INAVA: variants seen among roughly 807,000 people sequenced by gnomAD.
INAVA encodes the protein innate immunity activator protein.
In INAVA, 32 loss-of-function variants were observed where a neutral mutation model predicts 55.3. That is an observed-to-expected ratio of 0.58 (90% confidence interval 0.44 to 0.78). INAVA has a LOEUF of 0.78. Ranked by LOEUF, INAVA falls within the 30% of genes least tolerant of loss-of-function variation. The pLI is 0.00. For synonymous variants in INAVA, 294 were observed against 329.4 expected (o/e 0.89, Z 1.16); for missense variants, 756 against 786.4 (o/e 0.96, Z 0.46).
upstream of INAVA, among the ~76,000 whole-genome samples, chr1:200,893,658 A>AG (rs1269733566): frequency 6.6e-6 from 1 of 152,056 alleles, no homozygotes; most frequent in Non-Finnish European, 1.5e-5. Context: ...GCAGAAAATG[A>AG]GGTGGTCAGC....
At chr1:200,891,547 C>T (rs1453273643), upstream of INAVA, 1 of 1,602,048 alleles carries the variant, frequency 6.2e-7, no homozygotes, top group Non-Finnish European at 8.5e-7. Flanking sequence ...TGGGATGCTG[C>T]AAATGCCGAA....
rs199499268 is a variant in INAVA, at chr1:200,911,868, C to G, written c.1375C>G (p.Pro459Ala). The change falls in exon 9 of 10, where the codon CCT becomes GCT. Residue 459 changes from proline (P) to alanine (A), a missense_variant. This residue lies in a region of INAVA where 639 missense variants were observed against 624.3 expected (regional missense o/e 1.02). Transcript: ENST00000413687. Reference sequence around the variant, plus strand: ...GGAGCTGCGCCGCGCAGCCCCGGGCCCTGCTTACGAGGAGGAGGGCACTCC... The same window carrying G: ...GGAGCTGCGCCGCGCAGCCCCGGGCGCTGCTTACGAGGAGGAGGGCACTCC... ...EWELRRAAPG[P>A]AYEEEGTPLR... 218 of 1,591,702 alleles carry G rather than the reference C, an allele frequency of 1.4e-4. 1 individual carries two copies. In the East Asian group the frequency reaches 4.4e-3, roughly 32 times the overall value.
At chr1:200,913,092 G>A (rs1372140478) in intron 9 of INAVA, among the ~76,000 whole-genome samples, 8 of 152,186 alleles carry the variant, frequency 5.3e-5, no homozygotes, top group African/African-American at 9.7e-5. Flanking sequence ...ACCCAGCTGC[G>A]TGTCCCTCCC....
chr1:200,900,867 G>A (rs568390564), intron 4 of INAVA, 70 bp from the exon 5 acceptor site: 1 of 1,233,328 alleles, frequency 8.1e-7, no homozygotes, highest in Admixed American at 2.5e-5. Flanking sequence ...CTGTGTCAGG[G>A]CTGCTGTCCA....
intron 1 of INAVA, among the ~76,000 whole-genome samples, chr1:200,896,482 G>A (rs906398171): frequency 3.9e-5 from 6 of 152,118 alleles, no homozygotes; most frequent in African/African-American, 1.4e-4. Flanking sequence ...GCGGGGTGGG[G>A]TTCCAGAATA....
intron 5 of INAVA, among the ~76,000 whole-genome samples, chr1:200,902,095 G>A (rs1407205821): frequency 1.3e-5 from 2 of 152,196 alleles, no homozygotes; most frequent in Non-Finnish European, 2.9e-5. Context: ...GAGGGAACCG[G>A]GAGGGAATGA....
rs780991124 is a variant in INAVA at position 200,913,630 on chromosome 1, C to A, written c.*1C>A. 6.2e-7 allele frequency: 1 copy of A among 1,612,962 alleles called. No individual in the cohort carries two copies. The highest frequency in any genetic ancestry group is 1.1e-5 in the South Asian group (1 of 91,030). On this transcript the variant is annotated 3_prime_UTR_variant, in exon 10 of 10. Transcript: ENST00000413687. Reference sequence around the variant, plus strand: ...AGGAGAGATCATCAGCCAGGTGTAACTCTGCGCCCCACGCTGGAAAAAACT... The same window carrying A: ...AGGAGAGATCATCAGCCAGGTGTAAATCTGCGCCCCACGCTGGAAAAAACT...
chr1:200,899,365 G>GTGTGTGTGCA, intron 2 of INAVA, 108 bp from the exon 3 acceptor site: 1 of 1,435,508 alleles, frequency 7.0e-7, no homozygotes, highest in Non-Finnish European at 9.6e-7. Context: ...AGATGTGTGT[G>GTGTGTGTGCA]TGTGTGTGCA....
At chr1:200,900,604 G>A (rs975715853) in intron 4 of INAVA, among the ~76,000 whole-genome samples, 6 of 152,216 alleles carry the variant, frequency 3.9e-5, no homozygotes, top group South Asian at 2.1e-4. Flanking sequence ...CCCCTGTGGC[G>A]TCAATGGCAG....
In INAVA at chr1:200,898,429, C is replaced by T; in HGVS notation, c.29C>T (p.Thr10Ile). MESKDEVSD[T>I]DSGIILQSGP... ...GAGAGTAAGGATGAGGTCAGCGACA[C>T]CGACAGTGGCATCATCCTGCAGTCT... The change falls in exon 2 of 10, where the codon ACC becomes ATC. Residue 10 changes from threonine (T) to isoleucine (I), a missense_variant. Transcript: ENST00000413687. 2.5e-6 allele frequency: 4 copies of T among 1,614,084 alleles called. No homozygotes were observed. The highest frequency in any genetic ancestry group is 3.4e-6 in the Non-Finnish European group (4 of 1,180,004).
intron 5 of INAVA, among the ~76,000 whole-genome samples, chr1:200,901,442 G>A (rs1653250911): frequency 6.6e-6 from 1 of 152,226 alleles, no homozygotes. Flanking sequence ...ATATTTCTCA[G>A]CTGACCCTGA....
intron 4 of INAVA, 29 bp from the exon 5 acceptor site, chr1:200,900,908 T>C: frequency 6.6e-7 from 1 of 1,510,378 alleles, no homozygotes; most frequent in Non-Finnish European, 8.9e-7. Flanking sequence ...CCTGCCTCTC[T>C]CTAGCCTCAC....
At chr1:200,898,276 T>G (rs1374552935) in intron 1 of INAVA, 31 bp from the exon 2 acceptor site, 1 of 1,602,590 alleles carries the variant, frequency 6.2e-7, no homozygotes, top group East Asian at 2.2e-5. Context: ...ATATCTAGCT[T>G]TTTTGTTATT....
At chr1:200,898,928 G>A (rs749484054) in intron 2 of INAVA, among the ~76,000 whole-genome samples, 7 of 152,124 alleles carry the variant, frequency 4.6e-5, no homozygotes, top group Non-Finnish European at 8.8e-5. Flanking sequence ...GCAGTGAGCC[G>A]AGATCGCGGC....
chr1:200,913,146 C>CAGCA (rs1258129028), intron 9 of INAVA, among the ~76,000 whole-genome samples: 1 of 152,182 alleles, frequency 6.6e-6, no homozygotes, highest in Admixed American at 6.5e-5. Context: ...CTGGGCCTGG[C>CAGCA]AGCACCCTGG....
At chr1:200,898,271 T>C in intron 1 of INAVA, 36 bp from the exon 2 acceptor site, 1 of 1,599,980 alleles carries the variant, frequency 6.3e-7, no homozygotes, top group Non-Finnish European at 8.5e-7. Flanking sequence ...GGTTCATATC[T>C]AGCTTTTTTG....
rs1435426664 is a variant in INAVA, at chr1:200,896,833, G to C, written c.-94-1474G>C. Among the ~76,000 whole-genome samples, 10 of 152,262 alleles carry C rather than the reference G, an allele frequency of 6.6e-5. No homozygotes were observed. The East Asian group carries it at 1.9e-3, about 29-fold the overall frequency. ...TTTTCTGTCGTGTTGGCTGCCTGAG[G>C]AGGGGTGGAGCTCACCTCCCCCACC... On this transcript the variant is annotated intron_variant, in intron 1 of 9. Coordinates refer to ENST00000413687, the MANE Select transcript of INAVA (RefSeq NM_001142569.3).
upstream of INAVA, chr1:200,891,786 C>A: frequency 9.9e-7 from 1 of 1,013,160 alleles, no homozygotes; most frequent in Non-Finnish European, 1.4e-6. Flanking sequence ...TCAGCCTTAG[C>A]GGAGGGTGCC....
Position 200,900,171 on chromosome 1 carries a change from G to C in INAVA, c.248G>C (p.Arg83Pro), listed in dbSNP as rs1189215696. 6.2e-7 allele frequency: 1 copy of C among 1,614,154 alleles called. No individual in the cohort carries two copies. Residue 83 changes from arginine (R) to proline (P), a missense_variant, in exon 4 of 10, where the codon CGC (arginine) becomes CCC (proline). This residue lies in a region of INAVA where 639 missense variants were observed against 624.3 expected (regional missense o/e 1.02). Transcript: ENST00000413687. ...KPGEKAPKVR[R>P]RIGAAYKLDD... ...GGGGAAAAGGCCCCCAAGGTTCGCC[G>C]CAGGATCGGAGCGGCTTACAAACTG... is the stretch of plus-strand genomic sequence containing the variant.
Sources: gnomAD v4.1 joint callset for allele counts (sites outside exome capture counted in the v4.1 genomes callset) on GRCh38, gnomAD v4.1.1 for gene constraint, gnomAD v4.1.1 regional missense constraint, MANE v1.5 for transcripts, NCBI Gene and HGNC (gene_info 2026-07-23, HGNC 2026-07-21) for gene names.